Variants in SCAF8 observed in about 807,000 individuals in gnomAD.
SCAF8 encodes the protein SR-related and CTD-associated factor 8.
A neutral mutation model predicts 140.5 loss-of-function variants in SCAF8; 23 were observed. That is an observed-to-expected ratio of 0.16 (90% confidence interval 0.12 to 0.23). The LOEUF (loss-of-function observed/expected upper bound fraction) is 0.23. Ranked by LOEUF, SCAF8 falls within the 10% of genes least tolerant of loss-of-function variation. The probability of loss-of-function intolerance (pLI) is 1.00; values close to 1 mark genes in which losing one functional copy is unlikely to be tolerated. For synonymous variants in SCAF8, 575 were observed against 528.9 expected, an observed-to-expected ratio of 1.09 and a Z score of -1.20; for missense variants, 1,397 against 1,555.7, an observed-to-expected ratio of 0.90 and a Z score of 1.72.
chr6:154,758,975 G>A (rs1779032943), intron 1 of SCAF8, among the ~76,000 whole-genome samples: 2 of 152,050 alleles, frequency 1.3e-5, no homozygotes, highest in African/African-American at 4.8e-5. Flanking sequence ...TCCTAGCACT[G>A]AGATCAAAGC....
At chr6:154,830,815 CTTAG>C (rs1778708127) in intron 18 of SCAF8, 103 bp from the exon 19 acceptor site, 2 of 722,632 alleles carry the variant, frequency 2.8e-6, no homozygotes, top group Non-Finnish European at 4.7e-6. Flanking sequence ...ATATAATGTG[CTTAG>C]TAATACAGAG....
At chr6:154,827,040 A>G in intron 17 of SCAF8, 132 bp from the exon 18 acceptor site, 1 of 715,422 alleles carries the variant, frequency 1.4e-6, no homozygotes, top group Non-Finnish European at 2.2e-6. Flanking sequence ...TCTAAAATAG[A>G]AAAAATATAT....
At chr6:154,825,758 C>T (rs1235062543) in intron 17 of SCAF8, among the ~76,000 whole-genome samples, 1 of 150,912 alleles carries the variant, frequency 6.6e-6, no homozygotes, top group Non-Finnish European at 1.5e-5. Context: ...AAGTGATCTT[C>T]CCACCTCAAC....
At chr6:154,781,897 G>C (rs561689167) in intron 3 of SCAF8, among the ~76,000 whole-genome samples, 1 of 152,154 alleles carries the variant, frequency 6.6e-6, no homozygotes, top group Non-Finnish European at 1.5e-5. Context: ...ACCATAAATT[G>C]TGTGAGGGAG....
At chr6:154,782,402 A>G (rs1467524126) in intron 3 of SCAF8, among the ~76,000 whole-genome samples, 1 of 151,928 alleles carries the variant, frequency 6.6e-6, no homozygotes, top group Non-Finnish European at 1.5e-5. Flanking sequence ...TTGGGCAACA[A>G]AGCAAGAGCT....
intron 18 of SCAF8, among the ~76,000 whole-genome samples, chr6:154,828,252 A>G (rs886631860): frequency 2.0e-5 from 3 of 152,200 alleles, no homozygotes; most frequent in Admixed American, 6.5e-5. Flanking sequence ...AAATGAAGAA[A>G]AAGTTTTCCT....
intron 1 of SCAF8, among the ~76,000 whole-genome samples, chr6:154,759,601 ATTAT>A (rs1363134664): frequency 2.0e-5 from 3 of 152,006 alleles, no homozygotes; most frequent in Non-Finnish European, 2.9e-5. Flanking sequence ...TCTTTAAAAA[ATTAT>A]TTATTTTTAT....
At chr6:154,734,052 T>C (rs1387528230) in intron 1 of SCAF8, 122 bp downstream of exon 1, 13 of 1,354,240 alleles carry the variant, frequency 9.6e-6, no homozygotes, top group Non-Finnish European at 1.2e-5. Flanking sequence ...AGCGGTGGCC[T>C]AGCAGTGCCC....
At chr6:154,792,636 A>G (rs1291506236) in intron 4 of SCAF8, among the ~76,000 whole-genome samples, 187 bp from the exon 5 acceptor site, 1 of 152,188 alleles carries the variant, frequency 6.6e-6, no homozygotes, top group Non-Finnish European at 1.5e-5. Flanking sequence ...CCAAATTAAC[A>G]TGTTTTCAAG....
chr6:154,751,158 G>A (rs1208573965), intron 1 of SCAF8, among the ~76,000 whole-genome samples: 1 of 152,150 alleles, frequency 6.6e-6, no homozygotes, highest in African/African-American at 2.4e-5. Context: ...GTAGCTATAG[G>A]AAGAGCTAGT....
intron 6 of SCAF8, among the ~76,000 whole-genome samples, chr6:154,797,111 T>TGGCCACTCTTACAG (rs765759596): frequency 7.0e-6 from 1 of 143,754 alleles, no homozygotes; most frequent in Admixed American, 6.7e-5. Flanking sequence ...ATAAATTTTA[T>TGGCCACTCTTACAG]AATAAATATT....
At chr6:154,830,875 G>A in intron 18 of SCAF8, 47 bp from the exon 19 acceptor site, 3 of 1,444,972 alleles carry the variant, frequency 2.1e-6, no homozygotes, top group African/African-American at 1.4e-5. Context: ...CTTAGCACAT[G>A]AATTGACTCA....
intron 4 of SCAF8, among the ~76,000 whole-genome samples, chr6:154,791,206 G>A (rs1562447786): frequency 6.6e-6 from 1 of 152,064 alleles, no homozygotes; most frequent in Non-Finnish European, 1.5e-5. Flanking sequence ...ATACAACCAA[G>A]GAAGACATAT....
intron 4 of SCAF8, among the ~76,000 whole-genome samples, chr6:154,790,056 T>C (rs1227225175): frequency 1.3e-5 from 2 of 151,966 alleles, no homozygotes; most frequent in African/African-American, 2.4e-5. Flanking sequence ...CATAATATAA[T>C]ATCTCATACT....
intron 3 of SCAF8, among the ~76,000 whole-genome samples, chr6:154,784,151 ATATATATT>A (rs1411364609): frequency 4.3e-4 from 42 of 97,592 alleles, no homozygotes; most frequent in Middle Eastern, 6.6e-3. Context: ...ATATATATAT[ATATATATT>A]TATTTATTTA....
At chr6:154,806,990 G>T (rs1190968627) in intron 9 of SCAF8, among the ~76,000 whole-genome samples, 3 of 152,186 alleles carry the variant, frequency 2.0e-5, no homozygotes, top group Non-Finnish European at 4.4e-5. Flanking sequence ...AGGTAGTCGT[G>T]ATGGAAGAAT....
chr6:154,819,548 G>C (rs1168733883), intron 14 of SCAF8, among the ~76,000 whole-genome samples: 1 of 152,126 alleles, frequency 6.6e-6, no homozygotes, highest in African/African-American at 2.4e-5. Context: ...CCATGATCAT[G>C]CTACTGCACT....
intron 14 of SCAF8, among the ~76,000 whole-genome samples, chr6:154,819,083 G>GT (rs5881106): frequency 0.5 from 75,390 of 151,678 alleles, 19,472 homozygotes; most frequent in East Asian, 0.9. Flanking sequence ...TATACTGAGA[G>GT]TTTTTTTAAT....
rs927623122 is a variant in SCAF8 at position 154,803,631 on chromosome 6, T to A, written c.863+8T>A. On this transcript the variant is annotated splice_region_variant and intron_variant, in intron 8 of 19. Transcript: ENST00000367178. ...AATTCCAGCTTCACAACTGTAAGAA[T>A]TTTTTCTTTATAGCCATAGTTTTTT... The A allele has an allele frequency of 3.8e-6, 6 of 1,588,914 alleles. No homozygotes were observed. In the Admixed American group the frequency reaches 6.7e-5, roughly 18 times the overall value.
Sources: gnomAD v4.1 joint callset for allele counts (sites outside exome capture counted in the v4.1 genomes callset) on GRCh38, gnomAD v4.1.1 for gene constraint, MANE v1.5 for transcripts, NCBI Gene and HGNC (gene_info 2026-07-23, HGNC 2026-07-21) for gene names.